ADHFE1: variants seen among roughly 807,000 people sequenced by gnomAD.
The protein encoded by ADHFE1 is hydroxyacid-oxoacid transhydrogenase, mitochondrial.
In ADHFE1, 37 loss-of-function variants were observed where a neutral mutation model predicts 54.8. That is an observed-to-expected ratio of 0.68 (90% CI 0.52 to 0.89). ADHFE1 has a LOEUF of 0.89. Ranked by LOEUF, ADHFE1 falls within the 40% of genes least tolerant of loss-of-function variation. ADHFE1 has a pLI of 0.00. For synonymous variants in ADHFE1, 203 were observed against 229.3 expected, an observed-to-expected ratio of 0.89 and a Z score of 1.04; for missense variants, 601 against 591.2, an observed-to-expected ratio of 1.02 and a Z score of -0.17.
chr8:66,464,297 T>G (rs1807055485), intron 13 of ADHFE1, among the ~76,000 whole-genome samples: 1 of 152,308 alleles, frequency 6.6e-6, no homozygotes, highest in African/African-American at 2.4e-5. Context: ...TTGTCCTGTT[T>G]AACCAATCAC....
chr8:66,466,776 C>T (rs2130506332), intron 13 of ADHFE1, among the ~76,000 whole-genome samples: 1 of 152,168 alleles, frequency 6.6e-6, no homozygotes, highest in South Asian at 2.1e-4. Context: ...AGATCTCCAG[C>T]CAGGGTGTTG....
chr8:66,432,914 T>C, intron 1 of ADHFE1: 1 of 1,117,456 alleles, frequency 8.9e-7, no homozygotes, highest in Non-Finnish European at 1.1e-6. Context: ...CACATATTTA[T>C]TGGGCATATA....
chr8:66,463,286 T>A (rs1362626622), intron 13 of ADHFE1, among the ~76,000 whole-genome samples: 1 of 152,206 alleles, frequency 6.6e-6, no homozygotes, highest in Admixed American at 6.5e-5. Context: ...TAGCAAAATC[T>A]TAATTGGACA....
chr8:66,461,973 T>C (rs1434236933), intron 13 of ADHFE1, among the ~76,000 whole-genome samples: 1 of 152,058 alleles, frequency 6.6e-6, no homozygotes, highest in Non-Finnish European at 1.5e-5. Flanking sequence ...ACTAAAAAAA[T>C]CACACTCTCT....
At position 66,435,067 on chromosome 8, in the gene ADHFE1, A is replaced by G. The variant is rs191765377; in HGVS notation, c.59+2492A>G. Among the ~76,000 whole-genome samples, 427 of 152,276 alleles carry G rather than the reference A, an allele frequency of 2.8e-3. 2 individuals are homozygous for G. Among genetic ancestry groups the G allele is most frequent in the Non-Finnish European group, 4.6e-3 (312 of 68,018 alleles). ...GGGAACAAAACAACCTAACCACACC[A>G]TGCATGGGGCACAGGGGATAGATGA... On this transcript the variant is annotated intron_variant, in intron 1 of 13. Coordinates refer to ENST00000396623, the MANE Select transcript of ADHFE1 (RefSeq NM_144650.3).
At chr8:66,464,047 C>T (rs957479456) in intron 13 of ADHFE1, among the ~76,000 whole-genome samples, 5 of 152,244 alleles carry the variant, frequency 3.3e-5, no homozygotes, top group Admixed American at 3.3e-4. Flanking sequence ...GGAGCGCTGT[C>T]TACCCAAATG....
intron 7 of ADHFE1, among the ~76,000 whole-genome samples, chr8:66,448,181 C>G (rs1175312072): frequency 1.3e-5 from 2 of 152,206 alleles, no homozygotes; most frequent in African/African-American, 4.8e-5. Flanking sequence ...TCTTTTTAGT[C>G]TGGCTCAATA....
intron 13 of ADHFE1, among the ~76,000 whole-genome samples, chr8:66,464,875 C>T (rs950272518): frequency 6.6e-6 from 1 of 152,120 alleles, no homozygotes; most frequent in Admixed American, 6.5e-5. Flanking sequence ...CCCCGTTCTC[C>T]CCTTCTCACA....
At chr8:66,453,596 C>T in intron 9 of ADHFE1, 1 of 817,420 alleles carries the variant, frequency 1.2e-6, no homozygotes, top group East Asian at 5.4e-5. Context: ...GGTGCAGCAA[C>T]CACAGATATA....
chr8:66,441,981 A>T (rs1805771221), intron 2 of ADHFE1, among the ~76,000 whole-genome samples: 1 of 152,146 alleles, frequency 6.6e-6, no homozygotes, highest in Non-Finnish European at 1.5e-5. Context: ...CAAAAAAAAA[A>T]AAAGGTTTAT....
intron 8 of ADHFE1, among the ~76,000 whole-genome samples, chr8:66,451,739 T>C (rs1180471325): frequency 1.3e-5 from 2 of 152,236 alleles, no homozygotes; most frequent in Middle Eastern, 6.3e-3. Flanking sequence ...ACTGTAATGC[T>C]GTTAATGTAA....
At chr8:66,444,898 C>T (rs573452272) in intron 5 of ADHFE1, 150 bp downstream of exon 5, 5 of 955,458 alleles carry the variant, frequency 5.2e-6, no homozygotes, top group Admixed American at 4.6e-5. Context: ...GTCAGGAGTT[C>T]GAGACCAGTA....
At chr8:66,444,255 T>A (rs1410116713) in intron 3 of ADHFE1, 112 bp from the exon 4 acceptor site, 3 of 941,952 alleles carry the variant, frequency 3.2e-6, no homozygotes, top group East Asian at 2.5e-5. Context: ...AAGACCATGC[T>A]AAGGAGTGTA....
chr8:66,468,479 C>T lies in ADHFE1; in HGVS notation c.*127C>T. The T allele has an allele frequency of 3.1e-6, 2 of 650,092 alleles. No homozygotes were observed. The highest frequency in any genetic ancestry group is 4.8e-6 in the Non-Finnish European group (2 of 414,382). 40.3% of individuals were successfully genotyped at this position (650,092 alleles called of 1,614,324 possible). On this transcript the variant is annotated 3_prime_UTR_variant, in exon 14 of 14. Transcript: ENST00000396623. ...CTGTTACCAGTATAGGTGGGATATA[C>T]ATTTATCTTGCAGGAAATTCCCCAA...
Position 66,448,973 on chromosome 8 carries a change from A to G in ADHFE1, c.734+3A>G, listed in dbSNP as rs1563490459. ...AACAGTGGCTTTGATGTGCTTTGGTAAGTGCTGGTGCCTCCTGGAGGGGCT... is the reference window on the plus strand; with the variant it reads ...AACAGTGGCTTTGATGTGCTTTGGTGAGTGCTGGTGCCTCCTGGAGGGGCT... On this transcript the variant is annotated splice_donor_region_variant and intron_variant, in intron 8 of 13. Transcript: ENST00000396623. 5 of 1,613,590 alleles carry G rather than the reference A, an allele frequency of 3.1e-6. No individual in the cohort carries two copies. The highest frequency in any genetic ancestry group is 4.2e-6 in the Non-Finnish European group (5 of 1,179,712).
intron 13 of ADHFE1, among the ~76,000 whole-genome samples, chr8:66,460,840 C>T (rs1376081830): frequency 1.3e-5 from 2 of 152,192 alleles, no homozygotes; most frequent in Admixed American, 6.5e-5. Context: ...AAAAGGACCA[C>T]CAATATTATT....
At chr8:66,453,138 C>G (rs1806389645) in intron 9 of ADHFE1, among the ~76,000 whole-genome samples, 1 of 152,134 alleles carries the variant, frequency 6.6e-6, no homozygotes, top group Admixed American at 6.5e-5. Context: ...TTGACAGGGA[C>G]AGAGGCTTGG....
chr8:66,459,900 A>G (rs1478462443), intron 12 of ADHFE1: 1 of 157,050 alleles, frequency 6.4e-6, no homozygotes, highest in Non-Finnish European at 1.4e-5. Context: ...TCTTTTTCTA[A>G]GATGTTGCTG....
Position 66,468,596 on chromosome 8 carries a change from TCCCAAA to T in ADHFE1, c.*248_*253del. 1 of 253,872 alleles carries T rather than the reference TCCCAAA, an allele frequency of 3.9e-6. No individual in the cohort carries two copies. Among genetic ancestry groups the T allele is most frequent in the South Asian group, 8.5e-5 (1 of 11,752 alleles). 15.7% of individuals were successfully genotyped at this position (253,872 alleles called of 1,614,324 possible). On this transcript the variant is annotated 3_prime_UTR_variant, in exon 14 of 14. Coordinates refer to ENST00000396623, the MANE Select transcript of ADHFE1 (RefSeq NM_144650.3). ...TCGACTTCAGGGGTCAGTGTTCCTG[TCCCAAA>T]CCCCACACAGAATACTCTGCCTCTG... is the stretch of plus-strand genomic sequence containing the variant.
Sources: allele counts gnomAD v4.1 joint callset (sites outside exome capture counted in the v4.1 genomes callset), GRCh38; gene constraint gnomAD v4.1.1; transcripts MANE v1.5; gene names NCBI Gene and HGNC (gene_info 2026-07-23, HGNC 2026-07-21).